SLIT2: variants seen among roughly 807,000 people sequenced by gnomAD.
The protein encoded by SLIT2 is slit homolog 2 protein.
SLIT2 carries 41 observed loss-of-function variants against 185.7 expected under a neutral mutation model. That is an observed-to-expected ratio of 0.22 (90% CI 0.17 to 0.29). SLIT2 has a LOEUF of 0.29. Ranked by LOEUF, SLIT2 falls within the 10% of genes least tolerant of loss-of-function variation. SLIT2 has a pLI of 1.00. For missense variants in SLIT2, 1,571 were observed against 1,909.0 expected (o/e 0.82, Z 3.30); for synonymous variants, 693 against 680.2 (o/e 1.02, Z -0.29).
rs1577756200 is a variant in SLIT2 at position 20,484,774 on chromosome 4, A to T, written c.540-1426A>T. On this transcript the variant is annotated intron_variant, in intron 6 of 36. Coordinates refer to ENST00000504154, the MANE Select transcript of SLIT2 (RefSeq NM_004787.4). This position sits in a 1 kb window ranked among gnomAD's most constrained non-coding sequence, Gnocchi z 4.3. The stretch of plus-strand genomic sequence containing the variant: ...TTTTTATCTCTAGCTTCCCTTGGAA[A>T]ATCTGATTGTTTGACAGCCCTCCCT... 6.6e-6 allele frequency among the ~76,000 whole-genome samples: 1 copy of T among 152,284 alleles called. No individual in the cohort carries two copies.
chr4:20,451,795 G>A (rs922477675), intron 4 of SLIT2, among the ~76,000 whole-genome samples: 1 of 152,128 alleles, frequency 6.6e-6, no homozygotes, highest in Admixed American at 6.5e-5. Context: ...ACTGTGTCTA[G>A]GTTTATTCTG....
chr4:20,545,782 T>C (rs1277473673), intron 21 of SLIT2, among the ~76,000 whole-genome samples: 3 of 151,930 alleles, frequency 2.0e-5, no homozygotes, highest in Non-Finnish European at 4.4e-5. Context: ...ATCTCCTTGC[T>C]TGCACACAGA....
At chr4:20,308,644 A>G (rs749128755) in intron 4 of SLIT2, among the ~76,000 whole-genome samples, 2 of 152,146 alleles carry the variant, frequency 1.3e-5, no homozygotes, top group Admixed American at 6.5e-5. Flanking sequence ...GGATTAGAGA[A>G]GGAATGGAAT....
intron 29 of SLIT2, among the ~76,000 whole-genome samples, chr4:20,588,941 G>A (rs1316128464): frequency 6.6e-6 from 1 of 152,138 alleles, no homozygotes; most frequent in Non-Finnish European, 1.5e-5. Flanking sequence ...GTCAGAGGAT[G>A]TGGCTCTAAG....
chr4:20,383,973 T>C (rs1724739320), intron 4 of SLIT2, among the ~76,000 whole-genome samples: 1 of 152,170 alleles, frequency 6.6e-6, no homozygotes, highest in African/African-American at 2.4e-5. Flanking sequence ...CCCAAAGTGC[T>C]GGGATTACTG....
At chr4:20,499,364 A>G (rs1308837989) in intron 9 of SLIT2, among the ~76,000 whole-genome samples, 5 of 152,324 alleles carry the variant, frequency 3.3e-5, no homozygotes, top group Admixed American at 2.6e-4. Flanking sequence ...ACTACCTCCC[A>G]TATACGCTTA....
At chr4:20,298,986 T>C (rs1716781249) in intron 4 of SLIT2, among the ~76,000 whole-genome samples, 1 of 152,248 alleles carries the variant, frequency 6.6e-6, no homozygotes, top group Non-Finnish European at 1.5e-5. Flanking sequence ...TTATTCATAG[T>C]TGTAATTTGA....
intron 4 of SLIT2, among the ~76,000 whole-genome samples, chr4:20,400,285 G>A (rs61789409): frequency 0.076 from 11,579 of 151,690 alleles, 597 homozygotes; most frequent in South Asian, 0.17. Context: ...GGAGAAATGA[G>A]GAGGCAATTT....
intron 29 of SLIT2, among the ~76,000 whole-genome samples, chr4:20,576,434 A>C (rs1487340484): frequency 2.0e-5 from 3 of 152,220 alleles, no homozygotes. Context: ...AAAGAAATAC[A>C]CAATGCTGAA....
chr4:20,403,886 T>C (rs1577587655), intron 4 of SLIT2, among the ~76,000 whole-genome samples: 1 of 119,172 alleles, frequency 8.4e-6, no homozygotes, highest in Non-Finnish European at 1.7e-5. Flanking sequence ...TTAATGGCTG[T>C]TAACTGGACT....
intron 12 of SLIT2, among the ~76,000 whole-genome samples, chr4:20,520,727 G>C (rs935390709): frequency 1.3e-5 from 2 of 152,046 alleles, no homozygotes; most frequent in African/African-American, 4.8e-5. Context: ...GAAACAAAAT[G>C]TTAATGAAAC....
chr4:20,578,085 C>T (rs1726222363), intron 29 of SLIT2, among the ~76,000 whole-genome samples: 1 of 152,216 alleles, frequency 6.6e-6, no homozygotes, highest in Non-Finnish European at 1.5e-5. Context: ...TTTTAATTCT[C>T]TCTTTGCTTC....
At chr4:20,443,863 C>T (rs1019109143) in intron 4 of SLIT2, among the ~76,000 whole-genome samples, 7 of 151,986 alleles carry the variant, frequency 4.6e-5, no homozygotes, top group Admixed American at 2.0e-4. Flanking sequence ...CTCAGCATGG[C>T]GTAAGAACCA....
intron 11 of SLIT2, among the ~76,000 whole-genome samples, chr4:20,512,260 C>G (rs1260583042): frequency 6.6e-6 from 1 of 151,988 alleles, no homozygotes; most frequent in Non-Finnish European, 1.5e-5. Flanking sequence ...CCAGATAAAC[C>G]CCTGGAGTTT....
chr4:20,574,201 G>A lies in SLIT2; in HGVS notation c.3088+5197G>A, dbSNP rs118124035. Reference sequence around the variant, plus strand: ...GATCTCCTGACCTCATGATTCACCCGCCTCAATCTCCCCAAGTGCTGGGAT... The same window carrying A: ...GATCTCCTGACCTCATGATTCACCCACCTCAATCTCCCCAAGTGCTGGGAT... On this transcript the variant is annotated intron_variant, in intron 29 of 36. Coordinates refer to ENST00000504154, the MANE Select transcript of SLIT2 (RefSeq NM_004787.4). Among the ~76,000 whole-genome samples, 1,164 of 151,846 alleles carry A rather than the reference G, an allele frequency of 7.7e-3. 35 individuals carry two copies. Among genetic ancestry groups the A allele is most frequent in the Admixed American group, 0.052 (791 of 15,236 alleles).
At chr4:20,514,804 A>G (rs1049055146) in intron 11 of SLIT2, among the ~76,000 whole-genome samples, 2 of 151,654 alleles carry the variant, frequency 1.3e-5, no homozygotes, top group African/African-American at 4.8e-5. Flanking sequence ...ATTACGTATT[A>G]TATAAAATTA....
chr4:20,429,492 A>G (rs1247974199), intron 4 of SLIT2, among the ~76,000 whole-genome samples: 1 of 152,172 alleles, frequency 6.6e-6, no homozygotes, highest in East Asian at 1.9e-4. Context: ...GGCTCTTAAC[A>G]TTTGATGATG....
chr4:20,330,290 C>T (rs1423071099), intron 4 of SLIT2, among the ~76,000 whole-genome samples: 2 of 152,000 alleles, frequency 1.3e-5, no homozygotes, highest in African/African-American at 4.8e-5. Flanking sequence ...AACTCCTTTC[C>T]TGCATATAAC....
chr4:20,532,096 C>A, intron 17 of SLIT2, 38 bp downstream of exon 17: 1 of 1,218,302 alleles, frequency 8.2e-7, no homozygotes, highest in Non-Finnish European at 1.2e-6. Context: ...ATTTCTGTAG[C>A]ATTTTTTGGG....
Sources: gnomAD v4.1 joint callset for allele counts (sites outside exome capture counted in the v4.1 genomes callset) on GRCh38, gnomAD v4.1.1 for gene constraint, Gnocchi (gnomAD v3.1) non-coding constraint, MANE v1.5 for transcripts, NCBI Gene and HGNC (gene_info 2026-07-23, HGNC 2026-07-21) for gene names.